The following RNGTT variants were observed in gnomAD, a reference collection of about 807,000 sequenced individuals.
RNGTT encodes RNA guanylyltransferase and 5'-phosphatase.
A neutral mutation model predicts 79.3 loss-of-function variants in RNGTT; 33 were observed. The observed-to-expected ratio is 0.42, with a 90% CI of 0.32 to 0.56. The LOEUF is 0.56. RNGTT is among the 20% of genes least tolerant of loss of function. The probability of loss-of-function intolerance (pLI) is 0.17; values close to 1 mark genes in which losing one functional copy is unlikely to be tolerated. For synonymous variants in RNGTT, 222 were observed against 235.9 expected, an observed-to-expected ratio of 0.94 and a Z score of 0.54; for missense variants, 497 against 739.1, an observed-to-expected ratio of 0.67 and a Z score of 3.80.
intron 13 of RNGTT, among the ~76,000 whole-genome samples, chr6:88,699,920 G>C (rs1291085848): frequency 6.6e-6 from 1 of 152,130 alleles, no homozygotes; most frequent in Non-Finnish European, 1.5e-5. Flanking sequence ...AGAAGAGAGA[G>C]GAATGAGGAG....
chr6:88,903,521 A>G (rs929314541), intron 6 of RNGTT, among the ~76,000 whole-genome samples: 3 of 152,220 alleles, frequency 2.0e-5, no homozygotes, highest in Admixed American at 6.5e-5. Flanking sequence ...AGAATAAAAT[A>G]ATAAATTACT....
intron 11 of RNGTT, among the ~76,000 whole-genome samples, chr6:88,803,391 T>C (rs1394826357): frequency 6.6e-6 from 1 of 151,782 alleles, no homozygotes; most frequent in African/African-American, 2.4e-5. Context: ...CTGTCCAATA[T>C]GGTGAAACAC....
chr6:88,667,137 G>A (rs1344039301), intron 14 of RNGTT, among the ~76,000 whole-genome samples: 2 of 152,118 alleles, frequency 1.3e-5, no homozygotes, highest in African/African-American at 2.4e-5. Context: ...ACTCCCTTCC[G>A]AGCATCAGTC....
intron 14 of RNGTT, among the ~76,000 whole-genome samples, chr6:88,614,765 A>G (rs1772158152): frequency 1.3e-5 from 2 of 152,184 alleles, no homozygotes; most frequent in African/African-American, 4.8e-5. Context: ...GGTTTCATCA[A>G]CTTTCAGAAA....
At chr6:88,697,636 G>A (rs960612944) in intron 13 of RNGTT, among the ~76,000 whole-genome samples, 4 of 151,796 alleles carry the variant, frequency 2.6e-5, no homozygotes, top group South Asian at 2.1e-4. Context: ...GGTCGAAGTC[G>A]GCAGATTGAG....
At chr6:88,951,024 A>G (rs1047560503) in intron 1 of RNGTT, among the ~76,000 whole-genome samples, 1 of 151,998 alleles carries the variant, frequency 6.6e-6, no homozygotes, top group Non-Finnish European at 1.5e-5. Context: ...ATGCCCAGCT[A>G]ATTTTTATAC....
rs116066717 is a variant in RNGTT at position 88,759,746 on chromosome 6, C to G, written c.1439+10028G>C. Among the ~76,000 whole-genome samples, 349 of 152,166 alleles carry G rather than the reference C, an allele frequency of 2.3e-3. 1 individual carries two copies. The highest frequency in any genetic ancestry group is 8.0e-3 in the African/African-American group (331 of 41,516). On this transcript the variant is annotated intron_variant, in intron 13 of 15. Transcript: ENST00000369485. ...GTTTGGCGTTTCACAACCATAATTA[C>G]AGCAAAAAACAAACCTAATAAAAAA...
intron 11 of RNGTT, among the ~76,000 whole-genome samples, chr6:88,828,658 A>G (rs569346297): frequency 6.1e-4 from 93 of 152,192 alleles, no homozygotes; most frequent in East Asian, 2.5e-3. Context: ...GGTTAGAGGA[A>G]TTGCTAACTA....
chr6:88,841,178 C>G (rs745637093), intron 11 of RNGTT, among the ~76,000 whole-genome samples: 6 of 152,070 alleles, frequency 3.9e-5, no homozygotes, highest in Middle Eastern at 3.2e-3. Flanking sequence ...TTGTAGGTAC[C>G]CCCTTAATAT....
chr6:88,639,760 C>T (rs1438113361), intron 14 of RNGTT, among the ~76,000 whole-genome samples: 3 of 152,082 alleles, frequency 2.0e-5, no homozygotes, highest in South Asian at 2.1e-4. Flanking sequence ...TTAATGATGA[C>T]GATACAGATG....
At chr6:88,855,039 T>C (rs1184707738) in intron 8 of RNGTT, among the ~76,000 whole-genome samples, 1 of 152,182 alleles carries the variant, frequency 6.6e-6, no homozygotes, top group Admixed American at 6.5e-5. Context: ...AATCATTTTG[T>C]TAGGCTGTTT....
chr6:88,956,284 C>G (rs1785429355), intron 1 of RNGTT, among the ~76,000 whole-genome samples: 1 of 151,468 alleles, frequency 6.6e-6, no homozygotes, highest in African/African-American at 2.4e-5. Flanking sequence ...ATACAACCCT[C>G]CTAGATTAAA....
intron 14 of RNGTT, among the ~76,000 whole-genome samples, chr6:88,642,368 A>G (rs1201249852): frequency 6.6e-6 from 1 of 152,226 alleles, no homozygotes. Flanking sequence ...GAACACTTTA[A>G]GAAGGTAGGG....
At chr6:88,763,618 T>C (rs1778344611) in intron 13 of RNGTT, among the ~76,000 whole-genome samples, 1 of 152,198 alleles carries the variant, frequency 6.6e-6, no homozygotes, top group South Asian at 2.1e-4. Context: ...ATGCTGATGA[T>C]TTTGTACTTA....
intron 1 of RNGTT, among the ~76,000 whole-genome samples, chr6:88,962,215 G>C (rs1261524742): frequency 6.6e-6 from 1 of 151,992 alleles, no homozygotes; most frequent in Non-Finnish European, 1.5e-5. Context: ...TTTCATGGTT[G>C]TTTCCTAGGA....
At chr6:88,929,434 T>C (rs1451328801) in intron 2 of RNGTT, among the ~76,000 whole-genome samples, 167 bp from the exon 3 acceptor site, 1 of 152,188 alleles carries the variant, frequency 6.6e-6, no homozygotes, top group Non-Finnish European at 1.5e-5. Context: ...ATCAAAGTCT[T>C]ATTCAAGACA....
At chr6:88,715,713 G>A (rs1209553569) in intron 13 of RNGTT, among the ~76,000 whole-genome samples, 6 of 152,066 alleles carry the variant, frequency 3.9e-5, no homozygotes, top group African/African-American at 1.4e-4. Flanking sequence ...CAAGAAATGG[G>A]GAAAGGATTC....
At chr6:88,853,913 A>C in intron 8 of RNGTT, 149 bp from the exon 9 acceptor site, 1 of 445,878 alleles carries the variant, frequency 2.2e-6, no homozygotes, top group East Asian at 3.7e-5. Context: ...AAAGTATCAC[A>C]AATAATAATT....
chr6:88,613,236 G>T (rs1217292088), intron 15 of RNGTT, among the ~76,000 whole-genome samples: 1 of 152,096 alleles, frequency 6.6e-6, no homozygotes, highest in African/African-American at 2.4e-5. Context: ...TACAGAAAAC[G>T]TGCACTATAG....
Sources: allele counts gnomAD v4.1 joint callset (sites outside exome capture counted in the v4.1 genomes callset), GRCh38; gene constraint gnomAD v4.1.1; transcripts MANE v1.5; gene names NCBI Gene and HGNC (gene_info 2026-07-23, HGNC 2026-07-21).